FYB2: variants seen among roughly 807,000 people sequenced by gnomAD.
FYB2 encodes the protein FYN binding protein 2.
FYB2 carries 103 observed loss-of-function variants against 94.1 expected under a neutral mutation model. The ratio of observed to expected loss-of-function variants is 1.09; its 90% CI spans 0.93 to 1.29. The LOEUF is 1.29. FYB2 is among the 50% of genes most tolerant of loss of function. The pLI is 0.00. For synonymous variants in FYB2, 293 were observed against 287.9 expected (o/e 1.02, Z -0.18); for missense variants, 896 against 841.5 (o/e 1.06, Z -0.80).
chr1:56,773,503 C>T (rs1645808352), intron 4 of FYB2, among the ~76,000 whole-genome samples: 1 of 152,168 alleles, frequency 6.6e-6, no homozygotes, highest in African/African-American at 2.4e-5. Context: ...TTTAGGTTCT[C>T]AGAGCCTTCA....
At chr1:56,741,746 C>G (rs768084765) in intron 12 of FYB2, among the ~76,000 whole-genome samples, 2 of 151,960 alleles carry the variant, frequency 1.3e-5, no homozygotes, top group African/African-American at 2.4e-5. Flanking sequence ...CCGGAGATAG[C>G]CTTACTAACT....
At chr1:56,759,401 T>A (rs146124431) in intron 5 of FYB2, among the ~76,000 whole-genome samples, 1 of 152,244 alleles carries the variant, frequency 6.6e-6, no homozygotes, top group African/African-American at 2.4e-5. Context: ...CCTACTACCT[T>A]CCTAGGATAT....
intron 5 of FYB2, among the ~76,000 whole-genome samples, chr1:56,763,875 G>A (rs1180860098): frequency 6.6e-6 from 1 of 150,552 alleles, no homozygotes; most frequent in Non-Finnish European, 1.5e-5. Flanking sequence ...TCTTTAAGAA[G>A]TTTGATTATG....
intron 1 of FYB2, among the ~76,000 whole-genome samples, chr1:56,809,126 G>A (rs1341812662): frequency 6.6e-6 from 1 of 152,246 alleles, no homozygotes; most frequent in South Asian, 2.1e-4. Flanking sequence ...CAACTCAGTG[G>A]CCCCACTGCA....
chr1:56,756,681 T>C (rs1164339289), intron 6 of FYB2, among the ~76,000 whole-genome samples: 1 of 152,168 alleles, frequency 6.6e-6, no homozygotes, highest in African/African-American at 2.4e-5. Flanking sequence ...TTGTTTTATA[T>C]CTTTGTTACA....
At chr1:56,752,320 A>T (rs1007042761) in intron 8 of FYB2, among the ~76,000 whole-genome samples, 1 of 152,004 alleles carries the variant, frequency 6.6e-6, no homozygotes, top group African/African-American at 2.4e-5. Flanking sequence ...GAGACCCTGG[A>T]GAGAGAGAAA....
Position 56,792,389 on chromosome 1 carries a change from T to C in FYB2, c.424A>G (p.Asn142Asp), listed in dbSNP as rs1208927296. 1.2e-6 allele frequency: 2 copies of C among 1,614,040 alleles called. No individual in the cohort carries two copies. Among genetic ancestry groups the C allele is most frequent in the Non-Finnish European group, 1.7e-6 (2 of 1,180,034 alleles). Residue 142 changes from asparagine to aspartate, a missense_variant, in exon 2 of 20, where the codon AAC becomes GAC. Physicochemically the swap from Asn to Asp is conservative, Grantham distance 23. Transcript: ENST00000343433. The part of the protein sequence containing the change: ...VANSFRNKLW[N>D]WEKVSSQKSE... ...TTCTGAGATGAAACCTTCTCCCAGT[T>C]CCAGAGTTTGTTTCTGAAGCTATTG...
At chr1:56,776,028 C>T (rs938950742) in intron 4 of FYB2, among the ~76,000 whole-genome samples, 1 of 152,172 alleles carries the variant, frequency 6.6e-6, no homozygotes, top group African/African-American at 2.4e-5. Flanking sequence ...TATTCAGTAA[C>T]TTGCCCAAGA....
intron 1 of FYB2, among the ~76,000 whole-genome samples, chr1:56,800,094 C>G (rs1400585105): frequency 6.6e-6 from 1 of 152,186 alleles, no homozygotes; most frequent in African/African-American, 2.4e-5. Flanking sequence ...CAAGTCTGAA[C>G]ATTCCTCTGT....
intron 1 of FYB2, among the ~76,000 whole-genome samples, chr1:56,805,406 G>A (rs1013132566): frequency 6.6e-6 from 1 of 152,232 alleles, no homozygotes; most frequent in Non-Finnish European, 1.5e-5. Flanking sequence ...TGCTTATTAT[G>A]TTAATGCATT....
chr1:56,751,347 C>CT, intron 8 of FYB2, 144 bp from the exon 9 acceptor site: 1 of 961,662 alleles, frequency 1.0e-6, no homozygotes, highest in Non-Finnish European at 1.5e-6. Flanking sequence ...TTACTAGACT[C>CT]TAAGTTTCCT....
intron 1 of FYB2, among the ~76,000 whole-genome samples, chr1:56,806,533 C>T (rs775372839): frequency 1.1e-4 from 17 of 152,098 alleles, no homozygotes; most frequent in Non-Finnish European, 2.9e-5. Context: ...TAGAAACAAA[C>T]TTAACAACAC....
At chr1:56,766,410 T>C (rs1401159985) in intron 5 of FYB2, among the ~76,000 whole-genome samples, 3 of 152,142 alleles carry the variant, frequency 2.0e-5, no homozygotes, top group Admixed American at 6.5e-5. Context: ...GTTTTTCTAA[T>C]AGTTCTCCAA....
At chr1:56,745,072 A>C (rs1181814067) in intron 9 of FYB2, among the ~76,000 whole-genome samples, 1 of 152,004 alleles carries the variant, frequency 6.6e-6, no homozygotes, top group Non-Finnish European at 1.5e-5. Context: ...ATCTCAATGA[A>C]TGTCAGCTCT....
chr1:56,787,231 G>T, intron 3 of FYB2, 23 bp from the exon 4 acceptor site: 1 of 1,613,756 alleles, frequency 6.2e-7, no homozygotes, highest in Admixed American at 1.7e-5. Flanking sequence ...GAGGCGGAAT[G>T]AAAAAGAGGC....
At chr1:56,826,193 G>A in the FYB2 span, among the ~76,000 whole-genome samples, 8,479 of 152,218 alleles carry the variant, frequency 0.056, 414 homozygotes, top group East Asian at 0.2. Context: ...CCCTCTATGG[G>A]GGGTTGTAGG....
intron 1 of FYB2, among the ~76,000 whole-genome samples, chr1:56,816,505 T>G (rs1646884995): frequency 6.6e-6 from 1 of 152,158 alleles, no homozygotes; most frequent in South Asian, 2.1e-4. Context: ...CCACACTGTA[T>G]TGGTCAGAGT....
chr1:56,773,997 C>T (rs1048773145), intron 4 of FYB2, among the ~76,000 whole-genome samples: 5 of 152,058 alleles, frequency 3.3e-5, no homozygotes, highest in Admixed American at 6.6e-5. Context: ...AGAAATCCTT[C>T]CCTTGAATGA....
At chr1:56,810,434 C>T (rs1246154668) in intron 1 of FYB2, among the ~76,000 whole-genome samples, 3 of 152,074 alleles carry the variant, frequency 2.0e-5, no homozygotes, top group Admixed American at 6.6e-5. Flanking sequence ...AATGCTAGTA[C>T]AGAACAAGGG....
Sources: gnomAD v4.1 joint callset for allele counts (sites outside exome capture counted in the v4.1 genomes callset) on GRCh38, gnomAD v4.1.1 for gene constraint, MANE v1.5 for transcripts, NCBI Gene and HGNC (gene_info 2026-07-23, HGNC 2026-07-21) for gene names.